PHKB: variants seen among roughly 807,000 people sequenced by gnomAD.
PHKB encodes phosphorylase kinase regulatory subunit beta.
In PHKB, 122 loss-of-function variants were observed where a neutral mutation model predicts 152.1. That is an observed-to-expected ratio of 0.80 (90% confidence interval 0.69 to 0.93). PHKB has a LOEUF of 0.93. Among genes scored for constraint, PHKB ranks in the 40% least tolerant of loss-of-function variants. PHKB has a pLI of 0.00. For synonymous variants in PHKB, 436 were observed against 464.9 expected (o/e 0.94, Z 0.80); for missense variants, 1,304 against 1,328.4 (o/e 0.98, Z 0.29).
intron 16 of PHKB, among the ~76,000 whole-genome samples, chr16:47,644,230 C>T (rs1973076809): frequency 6.6e-6 from 1 of 152,170 alleles, no homozygotes; most frequent in African/African-American, 2.4e-5. Context: ...GGTTTCAGTG[C>T]AGCTATGCAA....
chr16:47,697,049 A>AT (rs937203991), intron 29 of PHKB, among the ~76,000 whole-genome samples: 20 of 152,210 alleles, frequency 1.3e-4, no homozygotes, highest in Admixed American at 3.3e-4. Flanking sequence ...TACATGTAAA[A>AT]TTAACAGAAC....
Position 47,650,918 on chromosome 16 carries a change from A to G in PHKB, c.1968A>G (p.Leu656=), listed in dbSNP as rs1438863604. The change falls in exon 20 of 31, where the codon CTA becomes CTG. Residue 656 remains leucine, a synonymous_variant. Coordinates refer to ENST00000323584, the MANE Select transcript of PHKB (RefSeq NM_000293.3). ...IGGVKVHVDR[L]QTLISGAVVE... ...GAGTCAAAGTTCATGTGGATCGTCTACAGGTAGCCTTCTGATTTTCAGTAT... is the reference window on the plus strand; with the variant it reads ...GAGTCAAAGTTCATGTGGATCGTCTGCAGGTAGCCTTCTGATTTTCAGTAT... The G allele has an allele frequency of 6.2e-7, 1 of 1,606,094 alleles. No homozygotes were observed. Among genetic ancestry groups the G allele is most frequent in the Non-Finnish European group, 8.5e-7 (1 of 1,172,752 alleles).
intron 7 of PHKB, among the ~76,000 whole-genome samples, chr16:47,579,757 A>G (rs2151692281): frequency 6.6e-6 from 1 of 152,290 alleles, no homozygotes; most frequent in East Asian, 1.9e-4. Context: ...ATAGCAAAAA[A>G]TAAGAGATAA....
rs530583031 is a variant in PHKB at position 47,572,111 on chromosome 16, G to A, written c.711-8184G>A. ...ATGATCCACAATGGGTGCACACCCA[G>A]TATGTTGCCTGCTACTACAGCTCAG... is the stretch of plus-strand genomic sequence containing the variant. On this transcript the variant is annotated intron_variant, in intron 7 of 30. Transcript: ENST00000323584. Among the ~76,000 whole-genome samples the A allele has an allele frequency of 2.0e-5, 3 of 152,306 alleles. No homozygotes were observed. The East Asian group carries it at 5.8e-4, about 29-fold the overall frequency.
chr16:47,541,430 TA>T (rs1971056651), intron 6 of PHKB, among the ~76,000 whole-genome samples: 1 of 152,242 alleles, frequency 6.6e-6, no homozygotes, highest in Non-Finnish European at 1.5e-5. Flanking sequence ...AAGTCTTTGC[TA>T]TTGTGAATAG....
At chr16:47,475,387 C>T (rs7200554) in intron 1 of PHKB, among the ~76,000 whole-genome samples, 17,668 of 152,072 alleles carry the variant, frequency 0.12, 2,235 homozygotes, top group African/African-American at 0.32. Context: ...TCTCGATGTC[C>T]TAATAGAGGC....
chr16:47,593,799 A>G (rs1972072692), intron 11 of PHKB, among the ~76,000 whole-genome samples: 1 of 152,192 alleles, frequency 6.6e-6, no homozygotes, highest in African/African-American at 2.4e-5. Flanking sequence ...ATGATAGCAT[A>G]TATATTTTCT....
At chr16:47,697,280 G>C (rs563797554) in intron 29 of PHKB, among the ~76,000 whole-genome samples, 1 of 152,292 alleles carries the variant, frequency 6.6e-6, no homozygotes, top group African/African-American at 2.4e-5. Context: ...AGCATGTCTG[G>C]AGCTGCAGTC....
chr16:47,486,052 T>A lies in PHKB; in HGVS notation c.77-11347T>A, dbSNP rs115093721. Among the ~76,000 whole-genome samples, 1,141 of 152,302 alleles carry A rather than the reference T, an allele frequency of 7.5e-3. 19 individuals carry two copies. Among genetic ancestry groups the A allele is most frequent in the African/African-American group, 0.026 (1,081 of 41,570 alleles). ...CTTTTTCTTCCTTCCTACTAAACAT[T>A]TATTGTCACCTACCATGTATTAGAT... On this transcript the variant is annotated intron_variant, in intron 1 of 30. Transcript: ENST00000323584.
rs372266137 is a variant in PHKB, at chr16:47,677,884, G to A, written c.2630+8467G>A. On this transcript the variant is annotated intron_variant, in intron 26 of 30. Transcript: ENST00000323584. ...GCTGCACCCATTAACTCGTCATTTA[G>A]CATTAGGTATATCTCCTAATGCTAT... 2.7e-4 allele frequency among the ~76,000 whole-genome samples: 41 copies of A among 150,138 alleles called. 1 individual carries two copies. The East Asian group carries it at 6.7e-3, about 25-fold the overall frequency.
intron 1 of PHKB, among the ~76,000 whole-genome samples, chr16:47,472,875 G>A (rs1270230031): frequency 6.6e-6 from 1 of 151,768 alleles, no homozygotes; most frequent in Non-Finnish European, 1.5e-5. Context: ...GAAAGGTTGA[G>A]GCTACAGTGA....
chr16:47,532,771 C>T (rs1970884242), intron 6 of PHKB, among the ~76,000 whole-genome samples: 1 of 152,244 alleles, frequency 6.6e-6, no homozygotes, highest in East Asian at 1.9e-4. Flanking sequence ...CGTCTGGGCT[C>T]CCCAAAGGGC....
chr16:47,661,871 A>G, intron 23 of PHKB, 71 bp downstream of exon 23: 1 of 918,288 alleles, frequency 1.1e-6, no homozygotes. Context: ...AAATATGCAT[A>G]AGCTATCCAC....
rs138320951 is a variant in PHKB at position 47,472,699 on chromosome 16, G to T, written c.76+11273G>T. Reference sequence around the variant, plus strand: ...TCGGGAGGCCGGGCAGGAGAATGGCGTGAACCCAGGAGGCGGAGCTTGCAG... The same window carrying T: ...TCGGGAGGCCGGGCAGGAGAATGGCTTGAACCCAGGAGGCGGAGCTTGCAG... On this transcript the variant is annotated intron_variant, in intron 1 of 30. Coordinates refer to ENST00000323584, the MANE Select transcript of PHKB (RefSeq NM_000293.3). 9.9e-5 allele frequency among the ~76,000 whole-genome samples: 15 copies of T among 152,204 alleles called. 1 individual carries two copies. The highest frequency in any genetic ancestry group is 3.3e-4 in the Admixed American group (5 of 15,296).
chr16:47,473,133 G>T (rs565516135), intron 1 of PHKB, among the ~76,000 whole-genome samples: 1 of 145,030 alleles, frequency 6.9e-6, no homozygotes, highest in Non-Finnish European at 1.5e-5. Context: ...CAGTGGCACT[G>T]TCACAGTTCA....
intron 26 of PHKB, among the ~76,000 whole-genome samples, chr16:47,674,221 A>G (rs944360213): frequency 6.6e-6 from 1 of 150,552 alleles, no homozygotes; most frequent in African/African-American, 2.5e-5. Flanking sequence ...TGAGCATTTT[A>G]CAGTGTAAGG....
intron 13 of PHKB, among the ~76,000 whole-genome samples, chr16:47,602,080 CAA>C (rs769658646): frequency 3.9e-5 from 6 of 151,944 alleles, no homozygotes; most frequent in Non-Finnish European, 7.4e-5. Flanking sequence ...TTTTAAGAGA[CAA>C]GAGAGTTTCA....
chr16:47,474,990 C>T (rs1483347610), intron 1 of PHKB, among the ~76,000 whole-genome samples: 1 of 152,230 alleles, frequency 6.6e-6, no homozygotes, highest in Non-Finnish European at 1.5e-5. Flanking sequence ...TCCCAGAGTG[C>T]TGGTATTACA....
rs939342171 is a variant in PHKB at position 47,701,024 on chromosome 16, G to A, written c.*1658G>A. On this transcript the variant is annotated 3_prime_UTR_variant, in exon 31 of 31. Transcript: ENST00000323584. ...TAAGGAGGGGGATTGACAAAGAATA[G>A]AATTAAACTACTTGACTCAATATGT... 6.6e-6 allele frequency: 1 copy of A among 152,128 alleles called. No individual in the cohort carries two copies. Among genetic ancestry groups the A allele is most frequent in the Admixed American group, 6.5e-5 (1 of 15,278 alleles). The allele number at this position is 152,128 out of a possible 1,614,324, so 9.4% of individuals were successfully genotyped here. A position where few individuals can be genotyped will look rare whatever the true frequency, so the allele number is the denominator to read the frequency against.
Sources: allele counts gnomAD v4.1 joint callset (sites outside exome capture counted in the v4.1 genomes callset), GRCh38; gene constraint gnomAD v4.1.1; transcripts MANE v1.5; gene names NCBI Gene and HGNC (gene_info 2026-07-23, HGNC 2026-07-21).